The following EIF2AK2 variants were observed in gnomAD, a reference collection of about 807,000 sequenced individuals.
EIF2AK2 encodes interferon-induced, double-stranded RNA-activated protein kinase.
Under a neutral mutation model 70.5 loss-of-function variants are expected in EIF2AK2, and 40 were observed. That is an observed-to-expected ratio of 0.57 (90% CI 0.44 to 0.74). The LOEUF is 0.74. EIF2AK2 is among the 30% of genes least tolerant of loss of function. The pLI is 0.00. For missense variants in EIF2AK2, 555 were observed against 644.3 expected, an observed-to-expected ratio of 0.86 and a Z score of 1.50; for synonymous variants, 198 against 220.9, an observed-to-expected ratio of 0.90 and a Z score of 0.92.
At chr2:37,108,452 C>T (rs927137382) in intron 15 of EIF2AK2, among the ~76,000 whole-genome samples, 1 of 152,216 alleles carries the variant, frequency 6.6e-6, no homozygotes, top group Admixed American at 6.5e-5. Flanking sequence ...GTCCCTACAG[C>T]TGGAAAGATC....
rs536032536 is a variant in EIF2AK2, at chr2:37,126,248, G to A, written c.908+41C>T. 31 of 1,545,190 alleles carry A rather than the reference G, an allele frequency of 2.0e-5. No individual in the cohort carries two copies. In the Admixed American group the frequency reaches 3.1e-4, roughly 16 times the overall value. ...TAAAAAAGAATAGTGCAGATTCAGC[G>A]TACCTTGCCATTCAAAAAAATGTAA... On this transcript the variant is annotated intron_variant, in intron 11 of 16. Transcript: ENST00000233057.
At chr2:37,108,158 A>AG (rs1229638563) in intron 15 of EIF2AK2, among the ~76,000 whole-genome samples, 1 of 151,918 alleles carries the variant, frequency 6.6e-6, no homozygotes, top group Non-Finnish European at 1.5e-5. Flanking sequence ...AAAAAAAAAA[A>AG]AAAAAGAGTA....
At chr2:37,151,204 G>A (rs896770510) in intron 1 of EIF2AK2, among the ~76,000 whole-genome samples, 1 of 152,040 alleles carries the variant, frequency 6.6e-6, no homozygotes, top group Non-Finnish European at 1.5e-5. Flanking sequence ...TCTGATGAGG[G>A]TCTAGTAACC....
intron 5 of EIF2AK2, 60 bp downstream of exon 5, chr2:37,141,493 T>C: frequency 1.3e-6 from 2 of 1,576,738 alleles, no homozygotes; most frequent in South Asian, 1.2e-5. Context: ...GACACGAAAA[T>C]AAACCAACTT....
chr2:37,116,945 G>A (rs1674363850), intron 13 of EIF2AK2, among the ~76,000 whole-genome samples: 2 of 152,186 alleles, frequency 1.3e-5, no homozygotes, highest in South Asian at 4.2e-4. Context: ...GGCGTGGTGA[G>A]TCACACCTGT....
chr2:37,111,888 T>A (rs1489997986), intron 14 of EIF2AK2, among the ~76,000 whole-genome samples: 3,045 of 101,778 alleles, frequency 0.03, 68 homozygotes, highest in Non-Finnish European at 0.039. Flanking sequence ...AATATATATA[T>A]ATATATATAT....
chr2:37,139,773 G>A lies in EIF2AK2; in HGVS notation c.390-16C>T, dbSNP rs775516341. ...ATAATGAAATCTAGGAGAAATCATA[G>A]AAGGTACTTATCCAAACATGAAAAA... On this transcript the variant is annotated splice_polypyrimidine_tract_variant and intron_variant, in intron 5 of 16. Coordinates refer to ENST00000233057, the MANE Select transcript of EIF2AK2 (RefSeq NM_001135651.3). The A allele has an allele frequency of 6.9e-6, 11 of 1,602,562 alleles. No homozygotes were observed. Among genetic ancestry groups the A allele is most frequent in the Non-Finnish European group, 8.5e-6 (10 of 1,176,542 alleles).
intron 10 of EIF2AK2, among the ~76,000 whole-genome samples, chr2:37,133,013 T>C (rs1275443148): frequency 6.6e-6 from 1 of 152,170 alleles, no homozygotes; most frequent in Non-Finnish European, 1.5e-5. Flanking sequence ...TTCAATCTGA[T>C]AATGGTCCTG....
In EIF2AK2 at chr2:37,122,590, T is replaced by C. The variant is rs947114741; in HGVS notation, c.983A>G (p.Asp328Gly). The C allele has an allele frequency of 8.1e-6, 13 of 1,614,038 alleles. No homozygotes were observed. In the Admixed American group the frequency reaches 1.7e-4, roughly 21 times the overall value. The change falls in exon 12 of 17, where the codon GAT becomes GGT. Residue 328 changes from aspartate (D) to glycine (G), a missense_variant. Coordinates refer to ENST00000233057, the MANE Select transcript of EIF2AK2 (RefSeq NM_001135651.3). ...VNIVHYNGCW[D>G]GFDYDPETSD... ...GGTCTCAGGATCATAATCAAATCCA[T>C]CCCAACAGCCATTGTAGTGAACAAT...
intron 14 of EIF2AK2, among the ~76,000 whole-genome samples, chr2:37,109,988 C>G (rs1165184006): frequency 1.3e-5 from 2 of 151,984 alleles, no homozygotes; most frequent in African/African-American, 4.8e-5. Flanking sequence ...TTATAAGTTA[C>G]AGAGGTGTAT....
intron 10 of EIF2AK2, among the ~76,000 whole-genome samples, chr2:37,129,570 C>G (rs1436401571): frequency 6.6e-6 from 1 of 152,162 alleles, no homozygotes; most frequent in Non-Finnish European, 1.5e-5. Flanking sequence ...GGGACGGTAT[C>G]TGGTAAGATT....
At chr2:37,140,101 C>G (rs1675276602) in intron 5 of EIF2AK2, among the ~76,000 whole-genome samples, 2 of 151,884 alleles carry the variant, frequency 1.3e-5, no homozygotes, top group South Asian at 4.2e-4. Flanking sequence ...GAAAGAGATC[C>G]AGTGAATTTT....
Position 37,104,919 on chromosome 2 carries a change from T to C in EIF2AK2, c.*2354A>G, listed in dbSNP as rs1354654889. The C allele has an allele frequency of 6.6e-6, 1 of 152,256 alleles. No individual in the cohort carries two copies. Among genetic ancestry groups the C allele is most frequent in the Non-Finnish European group, 1.5e-5 (1 of 68,052 alleles). The allele number at this position is 152,256 out of a possible 1,614,324, so 9.4% of individuals were successfully genotyped here. A position where few individuals can be genotyped will look rare whatever the true frequency, so the allele number is the denominator to read the frequency against. ...GATGCTAAATTGAATCACTTGGTTA[T>C]TGTGGTGACCATTGTAAAGGTACAT... On this transcript the variant is annotated 3_prime_UTR_variant, in exon 17 of 17. Coordinates refer to ENST00000233057, the MANE Select transcript of EIF2AK2 (RefSeq NM_001135651.3).
chr2:37,114,983 C>A (rs1674285005), intron 13 of EIF2AK2, 124 bp from the exon 14 acceptor site: 1 of 513,260 alleles, frequency 1.9e-6, no homozygotes, highest in Non-Finnish European at 3.0e-6. Context: ...ACACAGGTAG[C>A]CAAAATCAGG....
chr2:37,129,803 A>G (rs758728848), intron 10 of EIF2AK2, among the ~76,000 whole-genome samples: 3 of 152,158 alleles, frequency 2.0e-5, no homozygotes, highest in Non-Finnish European at 4.4e-5. Flanking sequence ...CATCCTACAC[A>G]AACGGGGACG....
chr2:37,149,031 A>G lies in EIF2AK2; in HGVS notation c.-183-8T>C. ...CTGAATTTGCTCCAGAAACTGGTAAAAGAGAAAAAAGAAGGCTTAAAAAAA... is the reference window on the plus strand; with the variant it reads ...CTGAATTTGCTCCAGAAACTGGTAAGAGAGAAAAAAGAAGGCTTAAAAAAA... On this transcript the variant is annotated splice_region_variant and splice_polypyrimidine_tract_variant and intron_variant, in intron 1 of 16. Transcript: ENST00000233057. 2.1e-6 allele frequency: 2 copies of G among 975,182 alleles called. No homozygotes were observed. The highest frequency in any genetic ancestry group is 2.1e-4 in the Middle Eastern group (1 of 4,812). The allele number at this position is 975,182 out of a possible 1,614,324, so 60.4% of individuals were successfully genotyped here. A position where few individuals can be genotyped will look rare whatever the true frequency, so the allele number is the denominator to read the frequency against.
Position 37,152,042 on chromosome 2 carries a change from C to G in EIF2AK2, c.-183-3019G>C, listed in dbSNP as rs1025968052. 1.2e-3 allele frequency among the ~76,000 whole-genome samples: 187 copies of G among 152,292 alleles called. 2 individuals carry two copies. Among genetic ancestry groups the G allele is most frequent in the African/African-American group, 4.3e-3 (178 of 41,568 alleles). The stretch of plus-strand genomic sequence containing the variant: ...GATCGCGCCACTGCACTCCAGCCTG[C>G]GCGACAGAGCGAAGACTCCATCTCA... On this transcript the variant is annotated intron_variant, in intron 1 of 16. Transcript: ENST00000233057.
chr2:37,127,053 T>C (rs930362731), intron 10 of EIF2AK2, among the ~76,000 whole-genome samples: 2 of 147,742 alleles, frequency 1.4e-5, no homozygotes, highest in Non-Finnish European at 3.0e-5. Flanking sequence ...AACTGCTATA[T>C]TGTGCTCCAC....
In EIF2AK2 at chr2:37,099,795, A is replaced by C. The variant is rs1472407187; in HGVS notation, c.*7478T>G. The C allele has an allele frequency of 6.6e-6, 1 of 152,256 alleles. No homozygotes were observed. The highest frequency in any genetic ancestry group is 2.1e-4 in the South Asian group (1 of 4,834). The allele number at this position is 152,256 out of a possible 1,614,324, so 9.4% of individuals were successfully genotyped here. ...GATGAATGGATACATAAAATGCGAC[A>C]TATCCATATGATAGAATATTATTTG... On this transcript the variant is annotated 3_prime_UTR_variant, in exon 17 of 17. Coordinates refer to ENST00000233057, the MANE Select transcript of EIF2AK2 (RefSeq NM_001135651.3).
Sources: gnomAD v4.1 joint callset for allele counts (sites outside exome capture counted in the v4.1 genomes callset) on GRCh38, gnomAD v4.1.1 for gene constraint, MANE v1.5 for transcripts, NCBI Gene and HGNC (gene_info 2026-07-23, HGNC 2026-07-21) for gene names.